Variants in MYOC observed in about 807,000 individuals in gnomAD.
MYOC encodes the protein myocilin.
Under a neutral mutation model 28.2 loss-of-function variants are expected in MYOC, and 29 were observed. The observed-to-expected ratio is 1.03, with a 90% confidence interval of 0.77 to 1.40. MYOC has a LOEUF of 1.40. Ranked by LOEUF, MYOC falls within the 40% of genes most tolerant of loss-of-function variation. The probability of loss-of-function intolerance (pLI) is 0.00; values close to 1 mark genes in which losing one functional copy is unlikely to be tolerated. For missense variants in MYOC, 569 were observed against 620.6 expected (o/e 0.92, Z 0.88); for synonymous variants, 240 against 245.6 (o/e 0.98, Z 0.21).
At chr1:171,645,338 C>T (rs1653174814) in intron 1 of MYOC, among the ~76,000 whole-genome samples, 1 of 152,172 alleles carries the variant, frequency 6.6e-6, no homozygotes, top group East Asian at 1.9e-4. Context: ...CCTGCCTGTG[C>T]CTGCCCTGAC....
intron 1 of MYOC, among the ~76,000 whole-genome samples, chr1:171,649,533 CA>C (rs1653305291): frequency 6.6e-6 from 1 of 152,178 alleles, no homozygotes; most frequent in South Asian, 2.1e-4. Context: ...GGAGGGCTCA[CA>C]CCTGTAATCC....
intron 2 of MYOC, 88 bp downstream of exon 2, chr1:171,638,509 C>T (rs1652987988): frequency 6.0e-6 from 9 of 1,511,942 alleles, no homozygotes; most frequent in Non-Finnish European, 7.3e-6. Flanking sequence ...CTTGGGTGGG[C>T]ATTTACCCTA....
At chr1:171,651,348 C>CACACACA (rs1222514536) in intron 1 of MYOC, among the ~76,000 whole-genome samples, 1 of 146,194 alleles carries the variant, frequency 6.8e-6, no homozygotes, top group Non-Finnish European at 1.5e-5. Context: ...CCCGCACCCC[C>CACACACA]CCCACACACA....
At chr1:171,650,854 C>A (rs908224198) in intron 1 of MYOC, among the ~76,000 whole-genome samples, 10 of 152,252 alleles carry the variant, frequency 6.6e-5, no homozygotes, top group Non-Finnish European at 1.5e-4. Flanking sequence ...TTTCTTCAAC[C>A]ATTTGAGAGC....
In MYOC at chr1:171,649,375, A is replaced by G. The variant is rs571711453; in HGVS notation, c.604+2633T>C. ...TACCTAGACTTATATTCCAGCCTCCAGAATGCCCCCTTTTCCCTAGATCTG... is the reference window on the plus strand; with the variant it reads ...TACCTAGACTTATATTCCAGCCTCCGGAATGCCCCCTTTTCCCTAGATCTG... On this transcript the variant is annotated intron_variant, in intron 1 of 2. Coordinates refer to ENST00000037502, the MANE Select transcript of MYOC (RefSeq NM_000261.2). Among the ~76,000 whole-genome samples the G allele has an allele frequency of 5.3e-5, 8 of 152,322 alleles. No homozygotes were observed. In the East Asian group the frequency reaches 1.5e-3, roughly 29 times the overall value.
chr1:171,651,333 T>C (rs1330177081), intron 1 of MYOC, among the ~76,000 whole-genome samples: 48 of 102,764 alleles, frequency 4.7e-4, no homozygotes, highest in Non-Finnish European at 7.3e-4. Flanking sequence ...CCCCAACACC[T>C]CACCCCCGCA....
chr1:171,651,293 T>A (rs1194996331), intron 1 of MYOC, among the ~76,000 whole-genome samples: 2 of 151,900 alleles, frequency 1.3e-5, no homozygotes, highest in East Asian at 3.9e-4. Context: ...GTGACACAAA[T>A]ACCATCTTCC....
chr1:171,640,585 G>A (rs968510259), intron 1 of MYOC, among the ~76,000 whole-genome samples: 1 of 152,028 alleles, frequency 6.6e-6, no homozygotes, highest in African/African-American at 2.4e-5. Flanking sequence ...ACTACAAAAA[G>A]TTAGCCTGGG....
Position 171,638,593 on chromosome 1 carries a change from A to C in MYOC, c.730+4T>G, listed in dbSNP as rs1467411583. 3.1e-6 allele frequency: 5 copies of C among 1,614,126 alleles called. No homozygotes were observed. Among genetic ancestry groups the C allele is most frequent in the Non-Finnish European group, 4.2e-6 (5 of 1,179,966 alleles). On this transcript the variant is annotated splice_donor_region_variant and intron_variant, in intron 2 of 2. Transcript: ENST00000037502. ...CACAAAAGGGAAGAAACTTAACTTCATACCGGTGTCTCCCTCTCCACTCCT... is the reference window on the plus strand; with the variant it reads ...CACAAAAGGGAAGAAACTTAACTTCCTACCGGTGTCTCCCTCTCCACTCCT...
intron 2 of MYOC, 52 bp from the exon 3 acceptor site, chr1:171,636,761 A>G: frequency 6.4e-7 from 1 of 1,571,258 alleles, no homozygotes; most frequent in Non-Finnish European, 8.7e-7. Context: ...TAATCTTTCC[A>G]AACACAGACA....
intron 1 of MYOC, among the ~76,000 whole-genome samples, chr1:171,644,247 G>A (rs1269986108): frequency 6.6e-6 from 1 of 151,680 alleles, no homozygotes; most frequent in Non-Finnish European, 1.5e-5. Flanking sequence ...GTGACAGATC[G>A]TTAACATTTT....
In MYOC at chr1:171,635,851, T is replaced by C; in HGVS notation, c.*74A>G. The C allele has an allele frequency of 1.3e-6, 2 of 1,547,074 alleles. No individual in the cohort carries two copies. Among genetic ancestry groups the C allele is most frequent in the Non-Finnish European group, 8.8e-7 (1 of 1,130,776 alleles). On this transcript the variant is annotated 3_prime_UTR_variant, in exon 3 of 3. Coordinates refer to ENST00000037502, the MANE Select transcript of MYOC (RefSeq NM_000261.2). ...GCTGCCTGGGCCCTGGCTGGCTGGC[T>C]CTCCCTTCAGCCTGCTCCCCCCAGG...
At chr1:171,637,834 A>T (rs1345992524) in intron 2 of MYOC, among the ~76,000 whole-genome samples, 3 of 151,788 alleles carry the variant, frequency 2.0e-5, no homozygotes, top group Non-Finnish European at 4.4e-5. Context: ...GCTGGTCTTG[A>T]ACTCCTGACC....
chr1:171,640,890 A>G (rs1653059686), intron 1 of MYOC, among the ~76,000 whole-genome samples: 1 of 152,184 alleles, frequency 6.6e-6, no homozygotes. Context: ...AAAGATCAGC[A>G]GTTGTTGGGT....
rs1173878054 is a variant in MYOC at position 171,636,074 on chromosome 1, C to G, written c.1366G>C (p.Gly456Arg). 6.2e-7 allele frequency: 1 copy of G among 1,614,198 alleles called. No homozygotes were observed. Among genetic ancestry groups the G allele is most frequent in the Admixed American group, 1.7e-5 (1 of 60,022 alleles). Residue 456 changes from glycine to arginine, a missense_variant, in exon 3 of 3, where the codon GGC becomes CGC. Gly to Arg is a moderately radical substitution (Grantham distance 125, BLOSUM62 -2). Coordinates refer to ENST00000037502, the MANE Select transcript of MYOC (RefSeq NM_000261.2). ...DATVNFAYDT[G>R]TGISKTLTIP... ...GTCAGGGTCTTGCTGATACCTGTGC[C>G]TGTGTCATAAGCAAAGTTGACGGTA... is the stretch of plus-strand genomic sequence containing the variant.
chr1:171,636,776 T>C (rs1307475885), intron 2 of MYOC, 67 bp from the exon 3 acceptor site: 1 of 1,551,936 alleles, frequency 6.4e-7, no homozygotes, highest in Admixed American at 1.7e-5. Context: ...CAGACAATGA[T>C]CATGCGGAAG....
intron 2 of MYOC, among the ~76,000 whole-genome samples, chr1:171,637,605 C>T (rs1444171300): frequency 6.6e-6 from 1 of 151,644 alleles, no homozygotes; most frequent in Admixed American, 6.6e-5. Context: ...AGAATCACAA[C>T]AGATGTCTGT....
intron 1 of MYOC, 52 bp downstream of exon 1, chr1:171,651,956 T>C: frequency 6.2e-7 from 1 of 1,613,546 alleles, no homozygotes; most frequent in Non-Finnish European, 8.5e-7. Context: ...AGCAGGTCAC[T>C]ACGAGCCATA....
In MYOC at chr1:171,652,476, G is replaced by C. The variant is rs74315337; in HGVS notation, c.136C>G (p.Arg46Gly). 1 of 1,614,154 alleles carries C rather than the reference G, an allele frequency of 6.2e-7. No individual in the cohort carries two copies. Among genetic ancestry groups the C allele is most frequent in the African/African-American group, 1.3e-5 (1 of 75,024 alleles). ...QLRKANDQSG[R>G]CQYTFSVASP... Reference sequence around the variant, plus strand: ...GCCACACTGAAGGTATACTGGCATCGGCCACTCTGGTCATTGGCCTTCCTG... The same window carrying C: ...GCCACACTGAAGGTATACTGGCATCCGCCACTCTGGTCATTGGCCTTCCTG... The change falls in exon 1 of 3, where the codon CGA (arginine) becomes GGA (glycine). Residue 46 changes from arginine to glycine, a missense_variant. Coordinates refer to ENST00000037502, the MANE Select transcript of MYOC (RefSeq NM_000261.2).
Sources: gnomAD v4.1 joint callset for allele counts (sites outside exome capture counted in the v4.1 genomes callset) on GRCh38, gnomAD v4.1.1 for gene constraint, MANE v1.5 for transcripts, NCBI Gene and HGNC (gene_info 2026-07-23, HGNC 2026-07-21) for gene names.